The following PDZD2 variants were observed in gnomAD, a reference collection of about 807,000 sequenced individuals.
PDZD2 encodes PDZ domain-containing protein 2.
PDZD2 carries 90 observed loss-of-function variants against 220.7 expected under a neutral mutation model. The observed-to-expected ratio is 0.41, with a 90% CI of 0.34 to 0.49. The LOEUF is 0.49. Ranked by LOEUF, PDZD2 falls within the 20% of genes least tolerant of loss-of-function variation. PDZD2 has a pLI of 0.28. For missense variants in PDZD2, 3,174 were observed against 3,608.5 expected (o/e 0.88, Z 3.08); for synonymous variants, 1,375 against 1,450.5 (o/e 0.95, Z 1.18).
intron 5 of PDZD2, among the ~76,000 whole-genome samples, chr5:32,002,765 C>CCACACCA (rs1554022486): frequency 9.3e-6 from 1 of 107,084 alleles, no homozygotes; most frequent in Non-Finnish European, 1.8e-5. Flanking sequence ...ACCCCACACA[C>CCACACCA]CACACACACC....
At chr5:31,747,216 C>G (rs1002123675) in intron 1 of PDZD2, among the ~76,000 whole-genome samples, 1 of 152,048 alleles carries the variant, frequency 6.6e-6, no homozygotes, top group African/African-American at 2.4e-5. Context: ...GTCATGAGAG[C>G]CTTTGGAAAT....
chr5:32,053,796 C>G lies in PDZD2; in HGVS notation c.1813C>G (p.Arg605Gly). Residue 605 changes from arginine to glycine, a missense_variant, in exon 10 of 25, where the codon CGA becomes GGA. Physicochemically the swap from Arg to Gly is moderately radical, Grantham distance 125. Coordinates refer to ENST00000438447, the MANE Select transcript of PDZD2 (RefSeq NM_178140.4). ...CCTTGGCTTTAGTATTGCTGGAGGT[C>G]GAGACTGCATTCGTGGACAGATGGG... ...KGLGFSIAGG[R>G]DCIRGQMGIF... is the part of the protein sequence containing the mutation. 6.2e-7 allele frequency: 1 copy of G among 1,611,972 alleles called. No individual in the cohort carries two copies. Among genetic ancestry groups the G allele is most frequent in the South Asian group, 1.1e-5 (1 of 91,022 alleles).
At chr5:31,956,785 A>AAAAG (rs1312632845) in intron 2 of PDZD2, among the ~76,000 whole-genome samples, 2 of 140,332 alleles carry the variant, frequency 1.4e-5, no homozygotes, top group African/African-American at 5.4e-5. Context: ...AAAAAAAAAA[A>AAAAG]GGGACAAAGA....
At position 32,098,619 on chromosome 5, in the gene PDZD2, C is replaced by T. The variant is rs374334057; in HGVS notation, c.8203C>T (p.Leu2735=). ...KGLLSRKTIP[L]EPGIGRSVAV... is the part of the protein sequence containing the mutation. ...TTTGCTGTCCAGAAAGACCATCCCCCTGGAGCCTGGCATTGGTAAGATGAT... is the reference window on the plus strand; with the variant it reads ...TTTGCTGTCCAGAAAGACCATCCCCTTGGAGCCTGGCATTGGTAAGATGAT... Residue 2735 remains leucine, a synonymous_variant, in exon 23 of 25, where the codon CTG becomes TTG. Coordinates refer to ENST00000438447, the MANE Select transcript of PDZD2 (RefSeq NM_178140.4). This position sits in a 1 kb window ranked among gnomAD's most constrained non-coding sequence, Gnocchi z 4.1. 5.7e-5 allele frequency: 92 copies of T among 1,613,370 alleles called. No individual in the cohort carries two copies. The highest frequency in any genetic ancestry group is 7.5e-5 in the Non-Finnish European group (88 of 1,179,686).
chr5:31,809,574 G>A (rs376728457), intron 2 of PDZD2, among the ~76,000 whole-genome samples: 3 of 152,142 alleles, frequency 2.0e-5, no homozygotes, highest in Non-Finnish European at 4.4e-5. Flanking sequence ...GGAGTTATTC[G>A]TCCCCAGTTT....
At chr5:31,885,635 C>T (rs1287266162) in intron 2 of PDZD2, among the ~76,000 whole-genome samples, 1 of 152,106 alleles carries the variant, frequency 6.6e-6, no homozygotes, top group African/African-American at 2.4e-5. Context: ...AAACATCTCT[C>T]CCTAATCAGC....
At chr5:31,806,931 G>GTTTT (rs397882682) in intron 2 of PDZD2, among the ~76,000 whole-genome samples, 15 of 127,520 alleles carry the variant, frequency 1.2e-4, no homozygotes, top group African/African-American at 2.9e-4. Context: ...GGGCGTCTTT[G>GTTTT]TTTTTTTTTT....
At chr5:32,051,365 AAATAAT>A (rs1738529926) in intron 8 of PDZD2, among the ~76,000 whole-genome samples, 3 of 152,362 alleles carry the variant, frequency 2.0e-5, no homozygotes, top group South Asian at 2.1e-4. Context: ...CGCAAAAAAG[AAATAAT>A]AATAATTGTT....
At chr5:31,861,862 CTGTT>C (rs1204000338) in intron 2 of PDZD2, among the ~76,000 whole-genome samples, 10 of 152,014 alleles carry the variant, frequency 6.6e-5, no homozygotes, top group African/African-American at 2.4e-4. Context: ...AGAAAGTACC[CTGTT>C]TGTTCCTGTA....
intron 2 of PDZD2, among the ~76,000 whole-genome samples, chr5:31,849,424 C>T (rs1757787103): frequency 6.6e-6 from 1 of 152,086 alleles, no homozygotes; most frequent in Non-Finnish European, 1.5e-5. Flanking sequence ...TAGCACAGTG[C>T]CCAATATAAT....
rs116283276 is a variant in PDZD2 at position 32,037,011 on chromosome 5, C to G, written c.1408-220C>G. 6.3e-3 allele frequency among the ~76,000 whole-genome samples: 952 copies of G among 152,320 alleles called. 9 individuals are homozygous for G. Among genetic ancestry groups the G allele is most frequent in the Non-Finnish European group, 0.011 (721 of 68,032 alleles). Reference sequence around the variant, plus strand: ...GAGGAGGACTGGGGGCCCCTGGTTCCATGCTGGGCGGTGAGACGCGTGCTG... The same window carrying G: ...GAGGAGGACTGGGGGCCCCTGGTTCGATGCTGGGCGGTGAGACGCGTGCTG... On this transcript the variant is annotated intron_variant, in intron 6 of 24. Coordinates refer to ENST00000438447, the MANE Select transcript of PDZD2 (RefSeq NM_178140.4).
At chr5:32,016,110 G>A (rs953246298) in intron 6 of PDZD2, among the ~76,000 whole-genome samples, 3 of 152,332 alleles carry the variant, frequency 2.0e-5, no homozygotes, top group Middle Eastern at 3.4e-3. Flanking sequence ...CCGATTCTGT[G>A]AGTCTGATAT....
rs534379882 is a variant in PDZD2, at chr5:31,937,642, A to T, written c.477-45513A>T. 1.4e-3 allele frequency among the ~76,000 whole-genome samples: 211 copies of T among 152,296 alleles called. 2 individuals carry two copies. Among genetic ancestry groups the T allele is most frequent in the Non-Finnish European group, 2.4e-3 (164 of 68,026 alleles). ...CTCTCTTTCCGTGTGATTTCTCAGC[A>T]TTACACAGCTAGCCTTCTATGGGAG... On this transcript the variant is annotated intron_variant, in intron 2 of 24. Transcript: ENST00000438447.
intron 2 of PDZD2, among the ~76,000 whole-genome samples, chr5:31,857,142 C>A (rs975640945): frequency 2.6e-5 from 4 of 152,048 alleles, no homozygotes; most frequent in African/African-American, 7.2e-5. Context: ...TGAGTCACCA[C>A]ACTCAGCCTC....
At chr5:32,061,515 T>C (rs1739690551) in intron 14 of PDZD2, among the ~76,000 whole-genome samples, 1 of 152,202 alleles carries the variant, frequency 6.6e-6, no homozygotes, top group South Asian at 2.1e-4. Flanking sequence ...TCTTACCACA[T>C]CTTTTGTTGG....
At chr5:31,727,242 A>G (rs1749202058) in intron 1 of PDZD2, among the ~76,000 whole-genome samples, 1 of 152,206 alleles carries the variant, frequency 6.6e-6, no homozygotes, top group Non-Finnish European at 1.5e-5. Context: ...ATTCCTTGCC[A>G]AGAATAGGCA....
rs547581515 is a variant in PDZD2 at position 32,038,182 on chromosome 5, TAA to T, written c.1519+858_1519+859del. 2.8e-3 allele frequency among the ~76,000 whole-genome samples: 310 copies of T among 109,032 alleles called. 1 individual carries two copies. Among genetic ancestry groups the T allele is most frequent in the Middle Eastern group, 0.011 (2 of 182 alleles). The allele number at this position is 109,032 out of a possible 152,430, so 71.5% of individuals were successfully genotyped here. A position where few individuals can be genotyped will look rare whatever the true frequency, so the allele number is the denominator to read the frequency against. On this transcript the variant is annotated intron_variant, in intron 7 of 24. Coordinates refer to ENST00000438447, the MANE Select transcript of PDZD2 (RefSeq NM_178140.4). ...GCACATGATGGGTCTTTTCCTCCAT[TAA>T]AAAAAAAAAAAAAAAAAGTAAAAAT...
intron 3 of PDZD2, among the ~76,000 whole-genome samples, chr5:31,987,641 T>G (rs1750820503): frequency 6.6e-6 from 1 of 152,220 alleles, no homozygotes; most frequent in Non-Finnish European, 1.5e-5. Flanking sequence ...GTCTCCATCT[T>G]GGATATATTT....
rs141993867 is a variant in PDZD2 at position 31,922,263 on chromosome 5, G to A, written c.477-60892G>A. 1.1e-4 allele frequency among the ~76,000 whole-genome samples: 17 copies of A among 152,268 alleles called. No individual in the cohort carries two copies. In the East Asian group the frequency reaches 3.3e-3, roughly 29 times the overall value. The stretch of plus-strand genomic sequence containing the variant: ...GTAATTCCAAGAGAGGATTCTTCAT[G>A]GTAAAGATGAGAAATACCTTGAAAG... On this transcript the variant is annotated intron_variant, in intron 2 of 24. Coordinates refer to ENST00000438447, the MANE Select transcript of PDZD2 (RefSeq NM_178140.4).
Sources: gnomAD v4.1 joint callset for allele counts (sites outside exome capture counted in the v4.1 genomes callset) on GRCh38, gnomAD v4.1.1 for gene constraint, Gnocchi (gnomAD v3.1) non-coding constraint, MANE v1.5 for transcripts, NCBI Gene and HGNC (gene_info 2026-07-23, HGNC 2026-07-21) for gene names.